WDSUB1: variants seen among roughly 807,000 people sequenced by gnomAD.
The protein encoded by WDSUB1 is WD repeat, SAM and U-box domain-containing protein 1.
Under a neutral mutation model 53.9 loss-of-function variants are expected in WDSUB1, and 49 were observed. The ratio of observed to expected loss-of-function variants is 0.91; its 90% CI spans 0.72 to 1.15. The LOEUF is 1.15. Among genes scored for constraint, WDSUB1 ranks in the 50% most tolerant of loss-of-function variants. The pLI is 0.00. For missense variants in WDSUB1, 514 were observed against 562.0 expected (o/e 0.91, Z 0.86); for synonymous variants, 194 against 200.6 (o/e 0.97, Z 0.28).
chr2:159,271,595 C>A, intron 5 of WDSUB1, 107 bp downstream of exon 5: 2 of 961,784 alleles, frequency 2.1e-6, no homozygotes, highest in Non-Finnish European at 3.2e-6. Context: ...ATTTCTTGAC[C>A]TTTGTGGTGG....
intron 10 of WDSUB1, among the ~76,000 whole-genome samples, chr2:159,245,458 G>C (rs370310626): frequency 6.6e-6 from 1 of 151,898 alleles, no homozygotes; most frequent in African/African-American, 2.4e-5. Flanking sequence ...ACGTGAACCC[G>C]GGAGGCGGAG....
intron 10 of WDSUB1, among the ~76,000 whole-genome samples, chr2:159,246,425 C>G (rs1423546418): frequency 1.1e-5 from 1 of 90,546 alleles, no homozygotes; most frequent in East Asian, 2.8e-4. Flanking sequence ...GAGCGAGAGT[C>G]TGTCTCAAAA....
rs1558884147 is a variant in WDSUB1, at chr2:159,282,775, G to C, written c.295C>G (p.Pro99Ala). The C allele has an allele frequency of 6.2e-7, 1 of 1,614,114 alleles. No homozygotes were observed. The highest frequency in any genetic ancestry group is 8.5e-7 in the Non-Finnish European group (1 of 1,180,024). Residue 99 changes from proline (P) to alanine (A), a missense_variant, in exon 2 of 11, where the codon CCT (proline) becomes GCT (alanine). By Grantham distance (27) the Pro-to-Ala change is conservative (BLOSUM62 -1). Transcript: ENST00000359774. ...GGGGAAAACTGGCAAACCCTCACAG[G>C]GCTGCCACTAGGCTGTTCCATCACT... The part of the protein sequence containing the change: ...LAVMEQPSGS[P>A]VRVCQFSPDS...
intron 6 of WDSUB1, among the ~76,000 whole-genome samples, 192 bp from the exon 7 acceptor site, chr2:159,258,177 A>G (rs2061111340): frequency 6.6e-6 from 1 of 152,224 alleles, no homozygotes; most frequent in South Asian, 2.1e-4. Context: ...TACTTACTTC[A>G]CTTTTTGTCA....
intron 3 of WDSUB1, 75 bp from the exon 4 acceptor site, chr2:159,275,713 T>C (rs2061526693): frequency 1.8e-6 from 2 of 1,112,384 alleles, no homozygotes; most frequent in East Asian, 2.5e-5. Flanking sequence ...TTTCTTATAC[T>C]AAGATCTATT....
At chr2:159,255,689 T>C (rs1460105710) in intron 9 of WDSUB1, among the ~76,000 whole-genome samples, 2 of 152,182 alleles carry the variant, frequency 1.3e-5, no homozygotes, top group African/African-American at 4.8e-5. Flanking sequence ...TTAAAATGGT[T>C]TTCTATAACA....
At chr2:159,277,565 T>G (rs987340492) in intron 3 of WDSUB1, among the ~76,000 whole-genome samples, 2 of 152,190 alleles carry the variant, frequency 1.3e-5, no homozygotes, top group African/African-American at 4.8e-5. Context: ...TATAATAACC[T>G]AACCTACACT....
At chr2:159,249,506 G>C (rs2060897949) in intron 9 of WDSUB1, among the ~76,000 whole-genome samples, 1 of 152,178 alleles carries the variant, frequency 6.6e-6, no homozygotes, top group Non-Finnish European at 1.5e-5. Flanking sequence ...CTTTCTTTCT[G>C]TTGGGAGGTA....
chr2:159,264,087 T>C (rs1009323410), intron 5 of WDSUB1, among the ~76,000 whole-genome samples: 14 of 152,192 alleles, frequency 9.2e-5, no homozygotes, highest in African/African-American at 3.4e-4. Context: ...CCCATGTTTT[T>C]TAATATTATG....
In WDSUB1 at chr2:159,256,297, T is replaced by C. The variant is rs148908241; in HGVS notation, c.1031A>G (p.Gln344Arg). The stretch of plus-strand genomic sequence containing the variant: ...AATACCAACAAGATCTTTTAAATCT[T>C]GTGCACAAAGCCATGTTGAGACATC... ...EEDVSTWLCAQDLKDLVGIFK... is the reference protein window; with the variant it reads ...EEDVSTWLCARDLKDLVGIFK... The change falls in exon 9 of 11, where the codon CAA (glutamine) becomes CGA (arginine). Residue 344 changes from glutamine (Q) to arginine (R), a missense_variant. Physicochemically the swap from Gln to Arg is conservative, Grantham distance 43. Coordinates refer to ENST00000359774, the MANE Select transcript of WDSUB1 (RefSeq NM_001128212.3). 408 of 1,612,678 alleles carry C rather than the reference T, an allele frequency of 2.5e-4. No homozygotes were observed. Among genetic ancestry groups the C allele is most frequent in the Admixed American group, 7.9e-4 (47 of 59,706 alleles).
At chr2:159,249,916 A>AAG (rs1312125719) in intron 9 of WDSUB1, among the ~76,000 whole-genome samples, 1 of 150,104 alleles carries the variant, frequency 6.7e-6, no homozygotes, top group Non-Finnish European at 1.5e-5. Flanking sequence ...AAATACAAAA[A>AAG]AAAAAAAGAA....
intron 5 of WDSUB1, among the ~76,000 whole-genome samples, chr2:159,270,325 C>T (rs2061422678): frequency 1.3e-5 from 2 of 152,168 alleles, no homozygotes; most frequent in South Asian, 4.1e-4. Flanking sequence ...ATTCATCAGA[C>T]TCTATATAAT....
chr2:159,281,497 A>C (rs2061661944), intron 2 of WDSUB1, among the ~76,000 whole-genome samples: 1 of 151,652 alleles, frequency 6.6e-6, no homozygotes, highest in African/African-American at 2.4e-5. Flanking sequence ...CAACATTACC[A>C]ATGTAAATTA....
chr2:159,236,135 A>G lies in WDSUB1; in HGVS notation c.1329T>C (p.Arg443=), dbSNP rs573679023. Residue 443 remains arginine, a synonymous_variant, in exon 11 of 11, where the codon CGT becomes CGC. Coordinates refer to ENST00000359774, the MANE Select transcript of WDSUB1 (RefSeq NM_001128212.3). ...AMENWISKKK[R]TSPMTNLVLP... is the part of the protein sequence containing the mutation. The stretch of plus-strand genomic sequence containing the variant: ...GAACAAGATTTGTCATGGGACTTGT[A>G]CGTTTCTTTTTGCTGATCCAATTTT... 1 of 1,613,766 alleles carries G rather than the reference A, an allele frequency of 6.2e-7. No homozygotes were observed. Among genetic ancestry groups the G allele is most frequent in the Non-Finnish European group, 8.5e-7 (1 of 1,179,858 alleles).
chr2:159,236,162 C>T lies in WDSUB1; in HGVS notation c.1302G>A (p.Met434Ile). 4 of 1,610,568 alleles carry T rather than the reference C, an allele frequency of 2.5e-6. No homozygotes were observed. Among genetic ancestry groups the T allele is most frequent in the African/African-American group, 1.3e-5 (1 of 74,818 alleles). ...GTTTCTTTTTGCTGATCCAATTTTC[C>T]ATTGCTTCCTTTTCATATGAATAGC... ...SDGYSYEKEA[M>I]ENWISKKKRT... Residue 434 changes from methionine to isoleucine, a missense_variant, in exon 11 of 11, where the codon ATG becomes ATA. Physicochemically the swap from Met to Ile is conservative, Grantham distance 10 (BLOSUM62 1). Transcript: ENST00000359774.
At chr2:159,263,805 A>G (rs1372810644) in intron 5 of WDSUB1, among the ~76,000 whole-genome samples, 3 of 152,168 alleles carry the variant, frequency 2.0e-5, no homozygotes, top group East Asian at 3.8e-4. Flanking sequence ...ACGTTATATA[A>G]TTGGTGTTCT....
chr2:159,242,352 C>T (rs1442216547), intron 10 of WDSUB1, among the ~76,000 whole-genome samples: 1 of 146,396 alleles, frequency 6.8e-6, no homozygotes, highest in African/African-American at 2.7e-5. Context: ...CCACCACACC[C>T]GGCCAAAAGC....
intron 4 of WDSUB1, among the ~76,000 whole-genome samples, chr2:159,274,867 G>A (rs2061508091): frequency 6.6e-6 from 1 of 152,196 alleles, no homozygotes; most frequent in African/African-American, 2.4e-5. Flanking sequence ...TGAGAGTTTT[G>A]AGATCTTACA....
chr2:159,270,061 C>T (rs1395806248), intron 5 of WDSUB1, among the ~76,000 whole-genome samples: 1 of 152,158 alleles, frequency 6.6e-6, no homozygotes, highest in African/African-American at 2.4e-5. Flanking sequence ...TCATTATCCA[C>T]AAATGATCTG....
Sources: gnomAD v4.1 joint callset for allele counts (sites outside exome capture counted in the v4.1 genomes callset) on GRCh38, gnomAD v4.1.1 for gene constraint, MANE v1.5 for transcripts, NCBI Gene and HGNC (gene_info 2026-07-23, HGNC 2026-07-21) for gene names.